The following CCDC88C variants were observed in gnomAD, a reference collection of about 807,000 sequenced individuals.
The protein encoded by CCDC88C is coiled-coil and HOOK domain protein 88C.
Under a neutral mutation model 198.8 loss-of-function variants are expected in CCDC88C, and 131 were observed. The ratio of observed to expected loss-of-function variants is 0.66; its 90% CI spans 0.57 to 0.76. CCDC88C has a LOEUF of 0.76. Among genes scored for constraint, CCDC88C ranks in the 30% least tolerant of loss-of-function variants. The probability of loss-of-function intolerance (pLI) is 0.00; values close to 1 mark genes in which losing one functional copy is unlikely to be tolerated. For missense variants in CCDC88C, 2,553 were observed against 2,631.6 expected, an observed-to-expected ratio of 0.97 and a Z score of 0.65; for synonymous variants, 1,166 against 1,114.7, an observed-to-expected ratio of 1.05 and a Z score of -0.92.
chr14:91,325,028 T>G lies in CCDC88C; in HGVS notation c.1198-105A>C. 7.2e-7 allele frequency: 1 copy of G among 1,395,738 alleles called. No homozygotes were observed. Among genetic ancestry groups the G allele is most frequent in the Middle Eastern group, 2.0e-4 (1 of 4,938 alleles). The allele number at this position is 1,395,738 out of a possible 1,614,324, so 86.5% of individuals were successfully genotyped here. On this transcript the variant is annotated intron_variant, in intron 11 of 29. Transcript: ENST00000389857. The surrounding 1 kb of genome is among the most constrained non-coding windows in gnomAD (Gnocchi z 4.1). Reference sequence around the variant, plus strand: ...TACCGTCATGTGCTGTGGATGAAGATGTACTGGCTCACTTCCAAATAAACA... The same window carrying G: ...TACCGTCATGTGCTGTGGATGAAGAGGTACTGGCTCACTTCCAAATAAACA...
At position 91,297,320 on chromosome 14, in the gene CCDC88C, C is replaced by T. The variant is rs761029224; in HGVS notation, c.3951G>A (p.Leu1317=). 46 of 1,613,222 alleles carry T rather than the reference C, an allele frequency of 2.9e-5. No homozygotes were observed. In the Admixed American group the frequency reaches 4.8e-4, roughly 17 times the overall value. ...CTGGCCTCACCTCACAGTGGTTGTC[C>T]AGCTTGGTCAGCGAGATGTCCATGG... ...HQTMDISLTK[L]DNHCELLSRL... is the part of the protein sequence containing the mutation. The change falls in exon 22 of 30, where the codon CTG becomes CTA. Residue 1317 remains leucine (L), a synonymous_variant. Coordinates refer to ENST00000389857, the MANE Select transcript of CCDC88C (RefSeq NM_001080414.4).
intron 3 of CCDC88C, among the ~76,000 whole-genome samples, chr14:91,392,595 T>G (rs1885570510): frequency 6.6e-6 from 1 of 151,776 alleles, no homozygotes; most frequent in Non-Finnish European, 1.5e-5. Context: ...TAACCCAGGG[T>G]TTCCATACCA....
In CCDC88C at chr14:91,305,796, GTGT is replaced by G; in HGVS notation, c.3323_3325del (p.Asn1108del). On this transcript the variant is annotated inframe_deletion, in exon 19 of 30. Coordinates refer to ENST00000389857, the MANE Select transcript of CCDC88C (RefSeq NM_001080414.4). ...CTTGGCGGTCTGGGTCTGCAGTGTG[GTGT>G]TGTGCTCCTGCAGGAAGGCGCTCTG... is the stretch of plus-strand genomic sequence containing the variant. 2.5e-6 allele frequency: 4 copies of G among 1,613,414 alleles called. No homozygotes were observed. The highest frequency in any genetic ancestry group is 3.4e-6 in the Non-Finnish European group (4 of 1,179,392).
chr14:91,288,886 A>C lies in CCDC88C; in HGVS notation c.4441+219T>G, dbSNP rs1380702121. 5 of 471,640 alleles carry C rather than the reference A, an allele frequency of 1.1e-5. No individual in the cohort carries two copies. The highest frequency in any genetic ancestry group is 1.9e-5 in the Non-Finnish European group (5 of 269,028). The allele number at this position is 471,640 out of a possible 1,614,324, so 29.2% of individuals were successfully genotyped here. ...AACAAGAGTGAAACTCCATCTCAAAAAAATTAAAATAAAATATAAAATAAA... is the reference window on the plus strand; with the variant it reads ...AACAAGAGTGAAACTCCATCTCAAACAAATTAAAATAAAATATAAAATAAA... On this transcript the variant is annotated intron_variant, in intron 25 of 29. Coordinates refer to ENST00000389857, the MANE Select transcript of CCDC88C (RefSeq NM_001080414.4). This position sits in a 1 kb window ranked among gnomAD's most constrained non-coding sequence, Gnocchi z 4.2.
intron 6 of CCDC88C, among the ~76,000 whole-genome samples, chr14:91,341,264 A>G (rs1243980139): frequency 6.6e-6 from 1 of 152,090 alleles, no homozygotes; most frequent in African/African-American, 2.4e-5. Flanking sequence ...CTCCTTGGAC[A>G]TCTCGGGGCC....
chr14:91,285,666 G>A (rs1890373084), intron 25 of CCDC88C: 2 of 1,287,408 alleles, frequency 1.6e-6, no homozygotes, highest in Admixed American at 4.6e-5. Flanking sequence ...ATAAAGGAAA[G>A]GGATTAGAAA....
chr14:91,302,477 C>T lies in CCDC88C; in HGVS notation c.3635+1224G>A, dbSNP rs1429301659. Among the ~76,000 whole-genome samples the T allele has an allele frequency of 4.6e-5, 7 of 152,206 alleles. No homozygotes were observed. The South Asian group carries it at 1.0e-3, about 22-fold the overall frequency. Reference sequence around the variant, plus strand: ...CCTCCCTGGATCCTGCCATGCCCTGCGCAGGTGCCTGGTACCATCACTGAT... The same window carrying T: ...CCTCCCTGGATCCTGCCATGCCCTGTGCAGGTGCCTGGTACCATCACTGAT... On this transcript the variant is annotated intron_variant, in intron 20 of 29. Transcript: ENST00000389857.
intron 4 of CCDC88C, among the ~76,000 whole-genome samples, chr14:91,351,485 A>G (rs1285803): frequency 0.1 from 15,258 of 152,166 alleles, 915 homozygotes; most frequent in African/African-American, 0.16. Context: ...AGGAATACTC[A>G]AGGTGGAGAG....
At position 91,352,512 on chromosome 14, in the gene CCDC88C, G is replaced by A. The variant is rs1893860236; in HGVS notation, c.340+7130C>T. Among the ~76,000 whole-genome samples, 1 of 152,220 alleles carries A rather than the reference G, an allele frequency of 6.6e-6. No homozygotes were observed. Among genetic ancestry groups the A allele is most frequent in the African/African-American group, 2.4e-5 (1 of 41,456 alleles). ...TAAAACAGCATTTGGTTGCTTTTCT[G>A]AACCTTCTCTCTCAAGGATGAAAGA... is the stretch of plus-strand genomic sequence containing the variant. On this transcript the variant is annotated intron_variant, in intron 4 of 29. Coordinates refer to ENST00000389857, the MANE Select transcript of CCDC88C (RefSeq NM_001080414.4). This position sits in a 1 kb window ranked among gnomAD's most constrained non-coding sequence, Gnocchi z 4.2.
chr14:91,281,402 G>A, intron 27 of CCDC88C, 55 bp downstream of exon 27: 1 of 1,612,574 alleles, frequency 6.2e-7, no homozygotes, highest in African/African-American at 1.3e-5. Flanking sequence ...AGGTACCGTG[G>A]ATAAAAACCA....
chr14:91,370,446 C>T (rs2139926204), intron 3 of CCDC88C, among the ~76,000 whole-genome samples: 1 of 152,322 alleles, frequency 6.6e-6, no homozygotes, highest in East Asian at 1.9e-4. Flanking sequence ...GCCACCTTCC[C>T]TTTAGGGCTG....
chr14:91,297,155 G>C, intron 22 of CCDC88C, 150 bp downstream of exon 22: 1 of 784,822 alleles, frequency 1.3e-6, no homozygotes, highest in Non-Finnish European at 2.0e-6. Context: ...CAGCACCTCT[G>C]GCTTCACCGC....
intron 12 of CCDC88C, among the ~76,000 whole-genome samples, chr14:91,321,655 C>T (rs1045893128): frequency 3.3e-5 from 5 of 152,214 alleles, no homozygotes; most frequent in Admixed American, 3.3e-4. Context: ...AGAGATGACA[C>T]ACAGGTGACA....
intron 4 of CCDC88C, among the ~76,000 whole-genome samples, chr14:91,355,013 G>A (rs1196836511): frequency 6.6e-6 from 1 of 152,212 alleles, no homozygotes; most frequent in Middle Eastern, 3.2e-3. Flanking sequence ...CAGCTCGCTG[G>A]CAGAGGGACC....
Position 91,279,265 on chromosome 14 carries a change from T to C in CCDC88C, c.4741A>G (p.Ser1581Gly). 1 of 1,602,548 alleles carries C rather than the reference T, an allele frequency of 6.2e-7. No individual in the cohort carries two copies. Reference sequence around the variant, plus strand: ...TTTAGGTTAAGAGGTGAGCTGTTGCTGGATGTGTTTCTACTGCTCTCTAAG... The same window carrying C: ...TTTAGGTTAAGAGGTGAGCTGTTGCCGGATGTGTTTCTACTGCTCTCTAAG... ...SSLESSRNTS[S>G]NSSPLNLKGS... The change falls in exon 28 of 30, where the codon AGC becomes GGC. Residue 1581 changes from serine (S) to glycine (G), a missense_variant. Transcript: ENST00000389857.
intron 4 of CCDC88C, among the ~76,000 whole-genome samples, chr14:91,351,078 T>C (rs2139885783): frequency 6.6e-6 from 1 of 152,336 alleles, no homozygotes; most frequent in Middle Eastern, 3.4e-3. Flanking sequence ...AACCAGCGTT[T>C]GCTGACTGAG....
chr14:91,291,408 C>G (rs911156327), intron 23 of CCDC88C, among the ~76,000 whole-genome samples: 1 of 152,168 alleles, frequency 6.6e-6, no homozygotes, highest in Admixed American at 6.5e-5. Context: ...TTGTTCAAGA[C>G]GTGAGATGCT....
At position 91,338,280 on chromosome 14, in the gene CCDC88C, G is replaced by A; in HGVS notation, c.892-117C>T. The A allele has an allele frequency of 7.8e-7, 1 of 1,288,776 alleles. No homozygotes were observed. Among genetic ancestry groups the A allele is most frequent in the Non-Finnish European group, 1.1e-6 (1 of 931,358 alleles). 79.8% of individuals were successfully genotyped at this position (1,288,776 alleles called of 1,614,324 possible). A position where few individuals can be genotyped will look rare whatever the true frequency, so the allele number is the denominator to read the frequency against. ...ACGGCCCAGGACAAGCCAGCTCCTG[G>A]TGGCCGGGGGCCTCCATGTGCCACC... On this transcript the variant is annotated intron_variant, in intron 9 of 29. Coordinates refer to ENST00000389857, the MANE Select transcript of CCDC88C (RefSeq NM_001080414.4). This position sits in a 1 kb window ranked among gnomAD's most constrained non-coding sequence, Gnocchi z 4.8.
chr14:91,325,828 C>A lies in CCDC88C; in HGVS notation c.1197+82G>T, dbSNP rs1892561158. On this transcript the variant is annotated intron_variant, in intron 11 of 29. Transcript: ENST00000389857. This position sits in a 1 kb window ranked among gnomAD's most constrained non-coding sequence, Gnocchi z 4.1. ...AAGGGATCCTCCCACCTTAGCCTCC[C>A]AAAGTGCTGGGATTACAGGCATGAG... The A allele has an allele frequency of 7.1e-7, 1 of 1,413,494 alleles. No homozygotes were observed. 87.6% of individuals were successfully genotyped at this position (1,413,494 alleles called of 1,614,324 possible). A position where few individuals can be genotyped will look rare whatever the true frequency, so the allele number is the denominator to read the frequency against.
Sources: gnomAD v4.1 joint callset for allele counts (sites outside exome capture counted in the v4.1 genomes callset) on GRCh38, gnomAD v4.1.1 for gene constraint, Gnocchi (gnomAD v3.1) non-coding constraint, MANE v1.5 for transcripts, NCBI Gene and HGNC (gene_info 2026-07-23, HGNC 2026-07-21) for gene names.